Variants in SH3TC2 observed in about 807,000 individuals in gnomAD.
SH3TC2 encodes the protein SH3 domain and tetratricopeptide repeats 2.
A neutral mutation model predicts 124.5 loss-of-function variants in SH3TC2; 87 were observed. That is an observed-to-expected ratio of 0.70 (90% CI 0.59 to 0.84). SH3TC2 has a LOEUF of 0.84. Ranked by LOEUF, SH3TC2 falls within the 40% of genes least tolerant of loss-of-function variation. The pLI, the probability that SH3TC2 is intolerant of heterozygous loss-of-function variation, is 0.00. For synonymous variants in SH3TC2, 634 were observed against 628.5 expected, an observed-to-expected ratio of 1.01 and a Z score of -0.13; for missense variants, 1,536 against 1,566.4, an observed-to-expected ratio of 0.98 and a Z score of 0.33.
intron 8 of SH3TC2, among the ~76,000 whole-genome samples, chr5:149,033,269 G>T (rs1754227833): frequency 6.6e-6 from 1 of 152,100 alleles, no homozygotes; most frequent in Non-Finnish European, 1.5e-5. Flanking sequence ...CAAGAAGCTT[G>T]ACAAATTGCA....
chr5:149,012,896 G>A (rs1753808045), intron 12 of SH3TC2, among the ~76,000 whole-genome samples, 162 bp from the exon 13 acceptor site: 1 of 152,124 alleles, frequency 6.6e-6, no homozygotes, highest in Non-Finnish European at 1.5e-5. Flanking sequence ...TCAGCTGTGT[G>A]ACTTTGAGAA....
At chr5:149,033,450 G>A (rs1754232416) in intron 8 of SH3TC2, among the ~76,000 whole-genome samples, 1 of 152,204 alleles carries the variant, frequency 6.6e-6, no homozygotes, top group Non-Finnish European at 1.5e-5. Context: ...GAAATCACTG[G>A]AAGCCAGTAA....
intron 16 of SH3TC2, among the ~76,000 whole-genome samples, chr5:149,005,740 C>A (rs1413173520): frequency 6.6e-6 from 1 of 152,138 alleles, no homozygotes; most frequent in Non-Finnish European, 1.5e-5. Flanking sequence ...TAATTCAGGC[C>A]AGAAGCAAAG....
chr5:149,022,354 C>T (rs370307339), intron 12 of SH3TC2, among the ~76,000 whole-genome samples: 2 of 152,104 alleles, frequency 1.3e-5, no homozygotes, highest in South Asian at 4.1e-4. Context: ...ATCACTCCCA[C>T]TAGGAATGGC....
In SH3TC2 at chr5:149,000,277, C is replaced by A. The variant is rs1753576770; in HGVS notation, c.*4434G>T. ...TGACACTGACCCTCCTCAGAAGGAG[C>A]TCAGTCCTCTTCCCTGCTTACTCCA... On this transcript the variant is annotated 3_prime_UTR_variant, in exon 17 of 17. Transcript: ENST00000515425. Among the ~76,000 whole-genome samples, 1 of 152,214 alleles carries A rather than the reference C, an allele frequency of 6.6e-6. No individual in the cohort carries two copies. The highest frequency in any genetic ancestry group is 2.1e-4 in the South Asian group (1 of 4,832).
chr5:149,056,582 GGT>G (rs1580919855), intron 1 of SH3TC2, among the ~76,000 whole-genome samples: 2 of 152,114 alleles, frequency 1.3e-5, no homozygotes, highest in African/African-American at 4.8e-5. Context: ...AGAGTTCTGA[GGT>G]GTGTGTTTTT....
chr5:149,034,325 A>T (rs1040892376), intron 8 of SH3TC2: 2 of 169,674 alleles, frequency 1.2e-5, no homozygotes, highest in Admixed American at 1.3e-4. Context: ...GCCTGGTGTG[A>T]CAAAAAGATA....
intron 13 of SH3TC2, among the ~76,000 whole-genome samples, chr5:149,010,599 T>C (rs1753768245): frequency 6.6e-6 from 1 of 152,218 alleles, no homozygotes; most frequent in African/African-American, 2.4e-5. Context: ...TATGAGAGAT[T>C]GCTTTTGGTG....
Position 149,028,253 on chromosome 5 carries a change from G to A in SH3TC2, c.1479C>T (p.Phe493=). The stretch of plus-strand genomic sequence containing the variant: ...AGAAGCTATAAAAGGAAGAAGTGAG[G>A]AAAGAGAAGGAGAAGTCATAGAGAC... The part of the protein sequence containing the change: ...FKSLYDFSFS[F]LTSSFYSFSE... The change falls in exon 11 of 17, where the codon TTC becomes TTT. Residue 493 remains phenylalanine, a synonymous_variant. Transcript: ENST00000515425. 4 of 1,613,988 alleles carry A rather than the reference G, an allele frequency of 2.5e-6. No homozygotes were observed. The highest frequency in any genetic ancestry group is 2.5e-6 in the Non-Finnish European group (3 of 1,180,030).
Position 148,988,141 on chromosome 5 carries a change from C to T in SH3TC2, c.*16570G>A, listed in dbSNP as rs575957751. Among the ~76,000 whole-genome samples, 1 of 152,244 alleles carries T rather than the reference C, an allele frequency of 6.6e-6. No homozygotes were observed. The highest frequency in any genetic ancestry group is 1.9e-4 in the East Asian group (1 of 5,182). ...CTTACTGGGTAATAAAAACTCTATG[C>T]ACACAGGCTAGAAGTTGAGTGGTGG... On this transcript the variant is annotated 3_prime_UTR_variant, in exon 17 of 17. Transcript: ENST00000515425.
intron 7 of SH3TC2, among the ~76,000 whole-genome samples, chr5:149,040,215 T>G (rs1193085004): frequency 6.6e-6 from 1 of 152,164 alleles, no homozygotes; most frequent in African/African-American, 2.4e-5. Flanking sequence ...CTAAGGGAAA[T>G]TAGAAAATGT....
chr5:149,004,778 T>C lies in SH3TC2; in HGVS notation c.3800A>G (p.His1267Arg). The change falls in exon 17 of 17, where the codon CAC (histidine) becomes CGC (arginine). Residue 1267 changes from histidine to arginine, a missense_variant. Physicochemically the swap from His to Arg is conservative, Grantham distance 29. Transcript: ENST00000515425. ...TGAGGAGCACCCGGAGGGCCTGCTGTGCCACAGGGGGCTCTGGCAGATGTT... is the reference window on the plus strand; with the variant it reads ...TGAGGAGCACCCGGAGGGCCTGCTGCGCCACAGGGGGCTCTGGCAGATGTT... ...LDNICQSPLWHSRPSGCSSER... is the reference protein window; with the variant it reads ...LDNICQSPLWRSRPSGCSSER... 3 of 1,614,090 alleles carry C rather than the reference T, an allele frequency of 1.9e-6. No individual in the cohort carries two copies. The highest frequency in any genetic ancestry group is 1.7e-5 in the Admixed American group (1 of 60,022).
At chr5:149,017,299 T>G (rs533789534) in intron 12 of SH3TC2, among the ~76,000 whole-genome samples, 1 of 152,094 alleles carries the variant, frequency 6.6e-6, no homozygotes, top group African/African-American at 2.4e-5. Context: ...CTCAGTTCTA[T>G]GGCCAGTCTG....
In SH3TC2 at chr5:148,982,767, A is replaced by T. The variant is rs1231215276; in HGVS notation, c.*21944T>A. Among the ~76,000 whole-genome samples the T allele has an allele frequency of 6.6e-6, 1 of 152,216 alleles. No homozygotes were observed. Among genetic ancestry groups the T allele is most frequent in the East Asian group, 1.9e-4 (1 of 5,204 alleles). ...TAATTTTTTAAATGTGGCCTATGGT[A>T]GGGAAATGGGGGCATGCTATTCCTT... On this transcript the variant is annotated 3_prime_UTR_variant, in exon 17 of 17. Transcript: ENST00000515425.
chr5:149,031,409 T>A (rs895387976), intron 9 of SH3TC2, 145 bp downstream of exon 9: 1 of 1,047,980 alleles, frequency 9.5e-7, no homozygotes, highest in Non-Finnish European at 1.5e-6. Flanking sequence ...TCAAATATGA[T>A]TCAGGTCGTC....
chr5:149,015,662 C>G (rs1184418131), intron 12 of SH3TC2, among the ~76,000 whole-genome samples: 5 of 152,214 alleles, frequency 3.3e-5, no homozygotes, highest in Admixed American at 6.5e-5. Flanking sequence ...GAACATCAGC[C>G]ATAAGCCCAT....
At position 149,026,716 on chromosome 5, in the gene SH3TC2, T is replaced by C. The variant is rs1754069748; in HGVS notation, c.2909A>G (p.Tyr970Cys). The C allele has an allele frequency of 6.2e-7, 1 of 1,614,162 alleles. No homozygotes were observed. Among genetic ancestry groups the C allele is most frequent in the Non-Finnish European group, 8.5e-7 (1 of 1,180,022 alleles). Residue 970 changes from tyrosine to cysteine, a missense_variant, in exon 12 of 17, where the codon TAC becomes TGC. By Grantham distance (194) the Tyr-to-Cys change is radical. This residue lies in a region of SH3TC2 where 426 missense variants were observed against 443.5 expected (regional missense o/e 0.96). Coordinates refer to ENST00000515425, the MANE Select transcript of SH3TC2 (RefSeq NM_024577.4). Reference protein sequence around the residue: ...LQATKSLCHFYSSVSPNPEAC... With the variant: ...LQATKSLCHFCSSVSPNPEAC... ...CTCAGGGTTTGGGGACACAGAGCTG[T>C]AGAAATGGCAGAGGGATTTGGTGGC...
intron 13 of SH3TC2, among the ~76,000 whole-genome samples, chr5:149,011,778 G>T (rs1296126115): frequency 6.6e-6 from 1 of 151,734 alleles, no homozygotes; most frequent in African/African-American, 2.4e-5. Context: ...AATAAAACAT[G>T]GGAAAGAAAA....
At chr5:149,058,352 C>A (rs566433825) in intron 1 of SH3TC2, among the ~76,000 whole-genome samples, 2 of 152,326 alleles carry the variant, frequency 1.3e-5, no homozygotes, top group African/African-American at 4.8e-5. Flanking sequence ...CTCACTAACA[C>A]TTGATGTTAT....
Sources: gnomAD v4.1 joint callset for allele counts (sites outside exome capture counted in the v4.1 genomes callset) on GRCh38, gnomAD v4.1.1 for gene constraint, gnomAD v4.1.1 regional missense constraint, MANE v1.5 for transcripts, NCBI Gene and HGNC (gene_info 2026-07-23, HGNC 2026-07-21) for gene names.